Variants in PDE2A observed in about 807,000 individuals in gnomAD.
PDE2A encodes the protein phosphodiesterase 2A.
Under a neutral mutation model 133.6 loss-of-function variants are expected in PDE2A, and 53 were observed. That is an observed-to-expected ratio of 0.40 (90% CI 0.32 to 0.50). PDE2A has a LOEUF of 0.50. PDE2A is among the 20% of genes least tolerant of loss of function. The pLI is 0.73. For missense variants in PDE2A, 796 were observed against 1,232.4 expected, an observed-to-expected ratio of 0.65 and a Z score of 5.30; for synonymous variants, 491 against 490.2, an observed-to-expected ratio of 1.00 and a Z score of -0.02.
chr11:72,631,023 A>T, intron 2 of PDE2A: 1 of 1,385,618 alleles, frequency 7.2e-7, no homozygotes, highest in Non-Finnish European at 1.0e-6. Flanking sequence ...ACTGATCTTC[A>T]GTCTGCGCCC....
At chr11:72,581,209 G>GGCTT in intron 23 of PDE2A, 148 bp downstream of exon 23, 1 of 823,914 alleles carries the variant, frequency 1.2e-6, no homozygotes, top group Non-Finnish European at 1.9e-6. Context: ...TGGAAGATGG[G>GGCTT]GCTCACAGCC....
At chr11:72,579,724 T>C (rs1356857018) in intron 25 of PDE2A, 116 bp from the exon 26 acceptor site, 7 of 704,634 alleles carry the variant, frequency 9.9e-6, no homozygotes, top group Non-Finnish European at 1.4e-5. Flanking sequence ...AGCAGAGCAG[T>C]CAGAAAGGGG....
At chr11:72,627,379 G>A (rs997286961) in intron 2 of PDE2A, among the ~76,000 whole-genome samples, 8 of 152,210 alleles carry the variant, frequency 5.3e-5, no homozygotes, top group Non-Finnish European at 8.8e-5. Context: ...GGAGGAGACT[G>A]GCTCGGCCTG....
At chr11:72,659,721 C>T (rs1196771343) in intron 1 of PDE2A, among the ~76,000 whole-genome samples, 1 of 152,064 alleles carries the variant, frequency 6.6e-6, no homozygotes, top group Non-Finnish European at 1.5e-5. Flanking sequence ...GCCCCTGCTA[C>T]AGTCTGGACA....
intron 4 of PDE2A, among the ~76,000 whole-genome samples, chr11:72,598,166 G>T (rs1055827308): frequency 1.3e-5 from 2 of 152,210 alleles, no homozygotes; most frequent in Admixed American, 6.5e-5. Flanking sequence ...GCAATTCTAT[G>T]AATTAGATAT....
chr11:72,643,286 G>A (rs1210685360), intron 1 of PDE2A: 1 of 152,260 alleles, frequency 6.6e-6, no homozygotes, highest in Non-Finnish European at 1.5e-5. Context: ...GCGGGTCACC[G>A]GGGTCAGCTC....
intron 6 of PDE2A, 125 bp downstream of exon 6, chr11:72,596,468 T>A (rs1191903080): frequency 1.9e-4 from 34 of 178,374 alleles, no homozygotes; most frequent in Admixed American, 6.8e-4. Flanking sequence ...TCTCTCTCTC[T>A]CTCTCTCTCT....
rs376478178 is a variant in PDE2A, at chr11:72,674,151, C to T, written c.57G>A (p.Ala19=). ...ILCRSQQYPA[A]RPAEPRGQQV... is the part of the protein sequence containing the mutation. ...ACTATACTCACGGCTCAGCCGGTCG[C>T]GCTGCCGGGTACTGCTGGCTCCTGC... The change falls in exon 1 of 31, where the codon GCG becomes GCA. Residue 19 remains alanine (A), a synonymous_variant. Transcript: ENST00000334456. 24 of 1,613,166 alleles carry T rather than the reference C, an allele frequency of 1.5e-5. No individual in the cohort carries two copies. The highest frequency in any genetic ancestry group is 1.2e-4 in the African/African-American group (9 of 74,922).
intron 24 of PDE2A, 63 bp from the exon 25 acceptor site, chr11:72,580,687 G>T: frequency 1.5e-6 from 2 of 1,315,226 alleles, no homozygotes; most frequent in Non-Finnish European, 2.2e-6. Context: ...CACTGCTTTA[G>T]GCTGAGCAGT....
chr11:72,582,003 T>G, intron 21 of PDE2A, 56 bp from the exon 22 acceptor site: 71 of 1,307,436 alleles, frequency 5.4e-5, no homozygotes, highest in Non-Finnish European at 7.3e-5. Flanking sequence ...ACGGGGCCCT[T>G]GCCTGGGTCC....
intron 2 of PDE2A, among the ~76,000 whole-genome samples, chr11:72,621,184 C>T (rs1857753845): frequency 6.6e-6 from 1 of 152,174 alleles, no homozygotes; most frequent in Non-Finnish European, 1.5e-5. Context: ...TCAGCACCTA[C>T]AACATCCTGC....
chr11:72,614,953 T>C lies in PDE2A; in HGVS notation c.145-6202A>G, dbSNP rs543054923. 3.0e-4 allele frequency: 101 copies of C among 339,146 alleles called. 3 individuals are homozygous for C. Among genetic ancestry groups the C allele is most frequent in the South Asian group, 2.1e-3 (97 of 45,580 alleles). The allele number at this position is 339,146 out of a possible 1,614,324, so 21.0% of individuals were successfully genotyped here. A position where few individuals can be genotyped will look rare whatever the true frequency, so the allele number is the denominator to read the frequency against. ...AAAGGAGGGACCTGCCAGAGACCTT[T>C]CCTCCTCCCTCTTTCTCTTCCTCCC... On this transcript the variant is annotated intron_variant, in intron 2 of 30. Coordinates refer to ENST00000334456, the MANE Select transcript of PDE2A (RefSeq NM_002599.5).
rs557175323 is a variant in PDE2A at position 72,631,171 on chromosome 11, C to A, written c.144+11083G>T. ...AGACAAGAAGGTCAGGGGCTGAGGC[C>A]GGCCAGGCCTTCTCCCCTTCTCCCC... On this transcript the variant is annotated intron_variant, in intron 2 of 30. Transcript: ENST00000334456. The A allele has an allele frequency of 7.9e-6, 12 of 1,510,634 alleles. No homozygotes were observed. In the African/African-American group the frequency reaches 1.7e-4, roughly 21 times the overall value. The allele number at this position is 1,510,634 out of a possible 1,614,324, so 93.6% of individuals were successfully genotyped here.
intron 4 of PDE2A, among the ~76,000 whole-genome samples, chr11:72,602,657 G>T (rs905367354): frequency 5.9e-5 from 9 of 152,354 alleles, no homozygotes; most frequent in Middle Eastern, 3.4e-3. Context: ...CTAATCATTG[G>T]TTGGGACTTG....
intron 4 of PDE2A, among the ~76,000 whole-genome samples, chr11:72,599,506 C>T (rs993786444): frequency 6.6e-6 from 1 of 152,168 alleles, no homozygotes. Context: ...CTCCCCCATC[C>T]GATCAGTGAG....
intron 4 of PDE2A, among the ~76,000 whole-genome samples, chr11:72,600,733 G>C (rs983193041): frequency 6.6e-6 from 1 of 152,088 alleles, no homozygotes; most frequent in Admixed American, 6.5e-5. Flanking sequence ...CCAGGCTCAT[G>C]CTGGGGGTTG....
intron 6 of PDE2A, among the ~76,000 whole-genome samples, chr11:72,592,425 C>G (rs1481692063): frequency 6.6e-6 from 1 of 152,212 alleles, no homozygotes; most frequent in Non-Finnish European, 1.5e-5. Context: ...GGGAAGCTCA[C>G]AGTCTGTCTG....
chr11:72,584,825 A>T lies in PDE2A; in HGVS notation c.1359+47T>A, dbSNP rs770406952. The T allele has an allele frequency of 1.1e-5, 17 of 1,609,090 alleles. No homozygotes were observed. The Admixed American group carries it at 2.7e-4, about 25-fold the overall frequency. On this transcript the variant is annotated intron_variant, in intron 17 of 30. Transcript: ENST00000334456. ...GGCCGCTCCCCAGCGCCGCCGGCGG[A>T]CTCCCGGACACCCCTAGGGCCACAT...
In PDE2A at chr11:72,608,934, C is replaced by T. The variant is rs558111350; in HGVS notation, c.145-183G>A. Among the ~76,000 whole-genome samples, 7 of 152,296 alleles carry T rather than the reference C, an allele frequency of 4.6e-5. 1 individual carries two copies. Among genetic ancestry groups the T allele is most frequent in the African/African-American group, 1.7e-4 (7 of 41,560 alleles). On this transcript the variant is annotated intron_variant, in intron 2 of 30. Coordinates refer to ENST00000334456, the MANE Select transcript of PDE2A (RefSeq NM_002599.5). ...CTTAAGGCCACAGAATGTCCAAGTA[C>T]CCTCATCTTACAGGTGGGGAAACTG...
Sources: gnomAD v4.1 joint callset for allele counts (sites outside exome capture counted in the v4.1 genomes callset) on GRCh38, gnomAD v4.1.1 for gene constraint, MANE v1.5 for transcripts, NCBI Gene and HGNC (gene_info 2026-07-23, HGNC 2026-07-21) for gene names.